The following SGCD variants were observed in gnomAD, a reference collection of about 807,000 sequenced individuals.
The protein encoded by SGCD is delta-sarcoglycan.
Under a neutral mutation model 36.6 loss-of-function variants are expected in SGCD, and 18 were observed. The ratio of observed to expected loss-of-function variants is 0.49; its 90% CI spans 0.34 to 0.73. SGCD has a LOEUF of 0.73. Among genes scored for constraint, SGCD ranks in the 30% least tolerant of loss-of-function variants. SGCD has a pLI of 0.01. For synonymous variants in SGCD, 133 were observed against 130.6 expected, an observed-to-expected ratio of 1.02 and a Z score of -0.12; for missense variants, 387 against 346.7, an observed-to-expected ratio of 1.12 and a Z score of -0.92.
At chr5:156,077,381 A>T (rs1045742460) in intron 1 of SGCD, among the ~76,000 whole-genome samples, 1 of 152,070 alleles carries the variant, frequency 6.6e-6, no homozygotes, top group South Asian at 2.1e-4. Context: ...TATTATTGGG[A>T]TGGAAGGACG....
At chr5:155,938,228 G>A (rs1303799938) in intron 1 of SGCD, among the ~76,000 whole-genome samples, 2 of 152,148 alleles carry the variant, frequency 1.3e-5, no homozygotes, top group Non-Finnish European at 2.9e-5. Flanking sequence ...GCATTTGATG[G>A]CAGCCCTGCC....
chr5:156,646,927 G>A (rs927762041), intron 6 of SGCD, among the ~76,000 whole-genome samples: 8 of 152,156 alleles, frequency 5.3e-5, no homozygotes, highest in Non-Finnish European at 1.0e-4. Context: ...AACTTCAAAT[G>A]ATCTCTTATA....
chr5:155,910,523 A>G (rs990602248), intron 1 of SGCD, among the ~76,000 whole-genome samples: 1 of 152,042 alleles, frequency 6.6e-6, no homozygotes, highest in Non-Finnish European at 1.5e-5. Context: ...TAGCCAAGGT[A>G]GTAACTTGGT....
At chr5:155,839,525 G>C in the SGCD span, among the ~76,000 whole-genome samples, 1 of 151,994 alleles carries the variant, frequency 6.6e-6, no homozygotes, top group Admixed American at 6.6e-5. Flanking sequence ...AAGGAGTTTT[G>C]GGGTGCTGAG....
At chr5:156,247,818 A>G (rs1418755082) in intron 3 of SGCD, among the ~76,000 whole-genome samples, 2 of 152,188 alleles carry the variant, frequency 1.3e-5, no homozygotes, top group Non-Finnish European at 2.9e-5. Flanking sequence ...TCTTTCATTC[A>G]TCTATATTTA....
chr5:155,753,518 A>C, the SGCD span, among the ~76,000 whole-genome samples: 9 of 152,254 alleles, frequency 5.9e-5, no homozygotes, highest in Non-Finnish European at 7.4e-5. Flanking sequence ...AGTAAAATGC[A>C]CAAATAATTT....
At chr5:156,752,048 A>C (rs534649954) in intron 7 of SGCD, among the ~76,000 whole-genome samples, 2 of 152,364 alleles carry the variant, frequency 1.3e-5, no homozygotes, top group Middle Eastern at 6.8e-3. Flanking sequence ...TAGAATGGAC[A>C]AATAAATCAT....
At chr5:155,820,371 A>G in the SGCD span, among the ~76,000 whole-genome samples, 1 of 152,108 alleles carries the variant, frequency 6.6e-6, no homozygotes, top group Non-Finnish European at 1.5e-5. Flanking sequence ...AAAATACTGT[A>G]TGTACTGTCC....
intron 3 of SGCD, among the ~76,000 whole-genome samples, chr5:156,173,227 C>T (rs1763383641): frequency 6.6e-6 from 1 of 152,034 alleles, no homozygotes; most frequent in African/African-American, 2.4e-5. Flanking sequence ...TTATGACCTA[C>T]TTTATGATAT....
At chr5:156,257,008 C>T (rs1415179075) in intron 3 of SGCD, among the ~76,000 whole-genome samples, 1 of 151,944 alleles carries the variant, frequency 6.6e-6, no homozygotes, top group Non-Finnish European at 1.5e-5. Context: ...ACGAGACCCC[C>T]ATCTCCACAA....
chr5:156,632,177 T>C (rs1013361580), intron 6 of SGCD, among the ~76,000 whole-genome samples: 15 of 152,110 alleles, frequency 9.9e-5, no homozygotes, highest in Non-Finnish European at 1.9e-4. Flanking sequence ...ATAGCAATCT[T>C]TGAAAATAAC....
At chr5:156,537,578 G>A (rs528220969) in intron 4 of SGCD, among the ~76,000 whole-genome samples, 3 of 151,686 alleles carry the variant, frequency 2.0e-5, no homozygotes, top group African/African-American at 7.3e-5. Context: ...ACTAGCGAGG[G>A]TGTTCTTTGA....
At chr5:156,400,815 C>G (rs1334735903) in intron 3 of SGCD, among the ~76,000 whole-genome samples, 2 of 152,154 alleles carry the variant, frequency 1.3e-5, no homozygotes, top group Non-Finnish European at 1.5e-5. Flanking sequence ...TTTGAAAGAA[C>G]AGATGTGGAC....
At chr5:156,554,054 A>G (rs766811732) in intron 4 of SGCD, among the ~76,000 whole-genome samples, 4 of 152,170 alleles carry the variant, frequency 2.6e-5, no homozygotes, top group African/African-American at 9.6e-5. Context: ...AAGTGAGTGC[A>G]GTGCAATAAG....
chr5:156,491,266 A>T (rs1363864721), intron 3 of SGCD, among the ~76,000 whole-genome samples: 1 of 152,140 alleles, frequency 6.6e-6, no homozygotes, highest in Non-Finnish European at 1.5e-5. Flanking sequence ...TGACCATATT[A>T]CCCAAACTAA....
Position 156,719,390 on chromosome 5 carries a change from T to G in SGCD, c.576-38191T>G, listed in dbSNP as rs1561874619. Among the ~76,000 whole-genome samples the G allele has an allele frequency of 4.6e-5, 7 of 151,258 alleles. No homozygotes were observed. The South Asian group carries it at 1.5e-3, about 31-fold the overall frequency. ...TCATCATATATTATAGATATATATATGATGTATATATACACACACACACAC... is the reference window on the plus strand; with the variant it reads ...TCATCATATATTATAGATATATATAGGATGTATATATACACACACACACAC... On this transcript the variant is annotated intron_variant, in intron 7 of 8. Coordinates refer to ENST00000337851, the MANE Select transcript of SGCD (RefSeq NM_000337.6).
At chr5:156,447,346 C>G (rs1753793380) in intron 3 of SGCD, among the ~76,000 whole-genome samples, 1 of 152,124 alleles carries the variant, frequency 6.6e-6, no homozygotes, top group Admixed American at 6.6e-5. Flanking sequence ...CAATATAACA[C>G]ACAAATGAGT....
At chr5:156,680,954 A>T (rs1406151837) in intron 7 of SGCD, among the ~76,000 whole-genome samples, 1 of 152,064 alleles carries the variant, frequency 6.6e-6, no homozygotes, top group African/African-American at 2.4e-5. Context: ...CCAGCGAGTG[A>T]GTGCAGGAAC....
At chr5:155,728,588 C>T in the SGCD span, among the ~76,000 whole-genome samples, 13 of 152,306 alleles carry the variant, frequency 8.5e-5, no homozygotes, top group East Asian at 2.3e-3. Context: ...GATGCTGCTT[C>T]GCTTCTTCTA....
Sources: gnomAD v4.1 joint callset for allele counts (sites outside exome capture counted in the v4.1 genomes callset) on GRCh38, gnomAD v4.1.1 for gene constraint, MANE v1.5 for transcripts, NCBI Gene and HGNC (gene_info 2026-07-23, HGNC 2026-07-21) for gene names.